The following MORN5 variants were observed in gnomAD, a reference collection of about 807,000 sequenced individuals.
The protein encoded by MORN5 is MORN repeat-containing protein 5.
Under a neutral mutation model 22.1 loss-of-function variants are expected in MORN5, and 21 were observed. That is an observed-to-expected ratio of 0.95 (90% CI 0.67 to 1.37). The LOEUF (loss-of-function observed/expected upper bound fraction) is 1.37, where lower values mean the gene tolerates loss of function less well. Ranked by LOEUF, MORN5 falls within the 40% of genes most tolerant of loss-of-function variation. The probability of loss-of-function intolerance (pLI) is 0.00; values close to 1 mark genes in which losing one functional copy is unlikely to be tolerated. For missense variants in MORN5, 211 were observed against 215.1 expected, an observed-to-expected ratio of 0.98 and a Z score of 0.12; for synonymous variants, 73 against 74.0, an observed-to-expected ratio of 0.99 and a Z score of 0.07.
intron 1 of MORN5, among the ~76,000 whole-genome samples, chr9:122,161,861 T>G (rs1829205702): frequency 6.6e-6 from 1 of 152,224 alleles, no homozygotes; most frequent in Non-Finnish European, 1.5e-5. Flanking sequence ...CCTAGGAATT[T>G]GGGCTTTGCT....
intron 4 of MORN5, among the ~76,000 whole-genome samples, chr9:122,191,401 CT>C (rs1171629094): frequency 6.6e-6 from 1 of 152,216 alleles, no homozygotes; most frequent in African/African-American, 2.4e-5. Flanking sequence ...TCCCTCTGCC[CT>C]GATGGAAGGA....
intron 4 of MORN5, among the ~76,000 whole-genome samples, chr9:122,188,348 T>A (rs900932655): frequency 3.3e-5 from 5 of 152,180 alleles, no homozygotes; most frequent in Non-Finnish European, 7.3e-5. Context: ...GCCTCCCCTG[T>A]AAAAGAGGTA....
chr9:122,160,325 A>T (rs1197095566), intron 1 of MORN5, among the ~76,000 whole-genome samples: 1 of 152,228 alleles, frequency 6.6e-6, no homozygotes, highest in Non-Finnish European at 1.5e-5. Context: ...ATGTATTGCC[A>T]ATAAACAAAT....
chr9:122,163,749 C>G (rs1829235581), intron 1 of MORN5, among the ~76,000 whole-genome samples: 1 of 152,114 alleles, frequency 6.6e-6, no homozygotes, highest in Non-Finnish European at 1.5e-5. Flanking sequence ...GGTGGAGGAA[C>G]CACTGATAGA....
intron 4 of MORN5, chr9:122,174,889 T>G (rs1473502403): frequency 7.8e-6 from 10 of 1,282,100 alleles, no homozygotes; most frequent in Non-Finnish European, 1.0e-5. Flanking sequence ...AAGGTACTTA[T>G]TTTTGTATGC....
Position 122,169,734 on chromosome 9 carries a change from C to A in MORN5, c.285C>A (p.Ile95=), listed in dbSNP as rs530207522. The A allele has an allele frequency of 1.2e-6, 2 of 1,613,552 alleles. No homozygotes were observed. Among genetic ancestry groups the A allele is most frequent in the Non-Finnish European group, 1.7e-6 (2 of 1,179,554 alleles). ...DGYDRRFYTE[I]LNGLKPAGMA... is the part of the protein sequence containing the mutation. ...ATGATCGGAGGTTTTACACAGAGAT[C>A]CTCAATGGCTTGAAGCCTGCAGGTA... is the stretch of plus-strand genomic sequence containing the variant. Residue 95 remains isoleucine (I), a synonymous_variant, in exon 3 of 5, where the codon ATC becomes ATA. Transcript: ENST00000373764.
At chr9:122,189,529 A>AGAGGCTGAAGT (rs1829712378) in intron 4 of MORN5, among the ~76,000 whole-genome samples, 1 of 152,156 alleles carries the variant, frequency 6.6e-6, no homozygotes, top group Non-Finnish European at 1.5e-5. Context: ...CCAGGAGTTC[A>AGAGGCTGAAGT]GAGGCTGAAG....
intron 4 of MORN5, among the ~76,000 whole-genome samples, chr9:122,190,134 G>A (rs899436880): frequency 6.6e-6 from 1 of 151,952 alleles, no homozygotes; most frequent in Non-Finnish European, 1.5e-5. Flanking sequence ...AAAGTGCCAG[G>A]CATGGCCCCT....
intron 4 of MORN5, among the ~76,000 whole-genome samples, chr9:122,194,575 C>T (rs1242603829): frequency 6.6e-6 from 1 of 152,076 alleles, no homozygotes; most frequent in African/African-American, 2.4e-5. Flanking sequence ...TGGCAATTGA[C>T]ACAAGTCAGA....
At chr9:122,168,808 T>C (rs1255203723) in intron 2 of MORN5, among the ~76,000 whole-genome samples, 1 of 152,030 alleles carries the variant, frequency 6.6e-6, no homozygotes, top group Non-Finnish European at 1.5e-5. Flanking sequence ...ACAAAACCAA[T>C]AGGATATATA....
chr9:122,184,967 A>T (rs1829591654), intron 4 of MORN5, among the ~76,000 whole-genome samples: 1 of 152,276 alleles, frequency 6.6e-6, no homozygotes, highest in African/African-American at 2.4e-5. Context: ...TAAAAAGTAT[A>T]CATCCAAAGA....
intron 1 of MORN5, among the ~76,000 whole-genome samples, chr9:122,160,676 C>T (rs1240630608): frequency 1.3e-5 from 2 of 151,560 alleles, no homozygotes; most frequent in African/African-American, 4.9e-5. Flanking sequence ...GTGCAGTGGC[C>T]TGTTCACTGC....
intron 1 of MORN5, among the ~76,000 whole-genome samples, chr9:122,164,149 T>C (rs1829243149): frequency 6.6e-6 from 1 of 152,212 alleles, no homozygotes; most frequent in Non-Finnish European, 1.5e-5. Flanking sequence ...ACTTTGAATT[T>C]AGAAGGCAGG....
At chr9:122,191,912 C>T (rs1237077208) in intron 4 of MORN5, among the ~76,000 whole-genome samples, 1 of 152,242 alleles carries the variant, frequency 6.6e-6, no homozygotes, top group African/African-American at 2.4e-5. Context: ...CTGGGAGTGT[C>T]CTGAGCGAGT....
intron 4 of MORN5, among the ~76,000 whole-genome samples, chr9:122,181,032 C>T (rs1829531152): frequency 6.6e-6 from 1 of 152,226 alleles, no homozygotes; most frequent in South Asian, 2.1e-4. Flanking sequence ...ATACCTGGCA[C>T]ATGATAGACA....
At chr9:122,199,829 C>A (rs896316201) in intron 4 of MORN5, 56 bp from the exon 5 acceptor site, 5 of 1,586,980 alleles carry the variant, frequency 3.2e-6, no homozygotes, top group Non-Finnish European at 4.3e-6. Flanking sequence ...ACCCCCCAGG[C>A]CAGGAAAGGT....
At chr9:122,175,002 C>G (rs1385473139) in intron 4 of MORN5, 2 of 396,876 alleles carry the variant, frequency 5.0e-6, no homozygotes, top group African/African-American at 2.2e-5. Flanking sequence ...CCTTGTGGAG[C>G]TTGCATTCTA....
intron 1 of MORN5, among the ~76,000 whole-genome samples, chr9:122,163,742 G>A (rs1829235464): frequency 6.6e-6 from 1 of 152,112 alleles, no homozygotes; most frequent in African/African-American, 2.4e-5. Flanking sequence ...TTCTGGTGGT[G>A]GAGGAACCAC....
intron 3 of MORN5, among the ~76,000 whole-genome samples, chr9:122,173,378 C>T (rs1303169131): frequency 5.3e-5 from 8 of 152,188 alleles, no homozygotes; most frequent in Non-Finnish European, 1.2e-4. Context: ...GAGAGAATGG[C>T]TGTAAAGTGC....
Sources: gnomAD v4.1 joint callset for allele counts (sites outside exome capture counted in the v4.1 genomes callset) on GRCh38, gnomAD v4.1.1 for gene constraint, MANE v1.5 for transcripts, NCBI Gene and HGNC (gene_info 2026-07-23, HGNC 2026-07-21) for gene names.